Variants in FUT8 observed in about 807,000 individuals in gnomAD.
FUT8 encodes the protein alpha-(1,6)-fucosyltransferase.
FUT8 carries 29 observed loss-of-function variants against 71.3 expected under a neutral mutation model. That is an observed-to-expected ratio of 0.41 (90% confidence interval 0.30 to 0.55). The LOEUF (loss-of-function observed/expected upper bound fraction) is 0.55. Ranked by LOEUF, FUT8 falls within the 20% of genes least tolerant of loss-of-function variation. The pLI is 0.34. For missense variants in FUT8, 544 were observed against 702.1 expected, an observed-to-expected ratio of 0.77 and a Z score of 2.55; for synonymous variants, 254 against 239.3, an observed-to-expected ratio of 1.06 and a Z score of -0.57.
rs118047332 is a variant in FUT8 at position 65,627,423 on chromosome 14, A to C, written c.483-2069A>C. Among the ~76,000 whole-genome samples, 944 of 152,324 alleles carry C rather than the reference A, an allele frequency of 6.2e-3. 11 individuals carry two copies. Among genetic ancestry groups the C allele is most frequent in the East Asian group, 0.035 (184 of 5,190 alleles). ...TAAAATGTTTTAGAGCAGGAATGAA[A>C]GGAAGTAAAGTACACTTGTAAGAGG... is the stretch of plus-strand genomic sequence containing the variant. On this transcript the variant is annotated intron_variant, in intron 5 of 10. Transcript: ENST00000673929. This position sits in a 1 kb window ranked among gnomAD's most constrained non-coding sequence, Gnocchi z 4.0.
rs1595339617 is a variant in FUT8 at position 65,413,563 on chromosome 14, T to C, written c.-326+349T>C. Reference sequence around the variant, plus strand: ...AAGGGTTGGGGGCGGGGGTGGGAGGTGTCCGTCGTTTCCCCTCCACACCTA... The same window carrying C: ...AAGGGTTGGGGGCGGGGGTGGGAGGCGTCCGTCGTTTCCCCTCCACACCTA... On this transcript the variant is annotated intron_variant, in intron 1 of 10. Transcript: ENST00000673929. This position sits in a 1 kb window ranked among gnomAD's most constrained non-coding sequence, Gnocchi z 4.1. Among the ~76,000 whole-genome samples the C allele has an allele frequency of 6.6e-6, 1 of 151,208 alleles. No individual in the cohort carries two copies. The highest frequency in any genetic ancestry group is 2.1e-4 in the South Asian group (1 of 4,754).
At chr14:65,521,604 C>T (rs1009870182) in intron 2 of FUT8, among the ~76,000 whole-genome samples, 3 of 152,176 alleles carry the variant, frequency 2.0e-5, no homozygotes, top group Non-Finnish European at 2.9e-5. Flanking sequence ...GTGTTTCAGA[C>T]AAGATCAAAA....
chr14:65,558,106 G>A (rs903737991), intron 2 of FUT8, among the ~76,000 whole-genome samples: 2 of 151,938 alleles, frequency 1.3e-5, no homozygotes, highest in Non-Finnish European at 2.9e-5. Flanking sequence ...TGAGGCAGGT[G>A]GATCACTTGA....
chr14:65,383,422 G>A, the FUT8 span, among the ~76,000 whole-genome samples: 1 of 152,098 alleles, frequency 6.6e-6, no homozygotes, highest in Non-Finnish European at 1.5e-5. Context: ...CTACAGGCAT[G>A]TGCCACCACA....
At chr14:65,406,280 G>A (rs2065088769), upstream of FUT8, among the ~76,000 whole-genome samples, 1 of 152,164 alleles carries the variant, frequency 6.6e-6, no homozygotes, top group East Asian at 1.9e-4. Flanking sequence ...ATGAGCTAGG[G>A]GACATCATCC....
intron 2 of FUT8, among the ~76,000 whole-genome samples, chr14:65,522,523 T>C (rs558229174): frequency 6.6e-6 from 1 of 152,242 alleles, no homozygotes; most frequent in South Asian, 2.1e-4. Context: ...TTCAAGAGTA[T>C]TTGAGCATCA....
chr14:65,404,402 G>C, the FUT8 span, among the ~76,000 whole-genome samples: 27 of 150,672 alleles, frequency 1.8e-4, no homozygotes, highest in Non-Finnish European at 2.8e-4. Context: ...TCGAACTCCT[G>C]ACCTTGTGAT....
chr14:65,659,257 CAG>C (rs1445550077), intron 6 of FUT8, among the ~76,000 whole-genome samples: 1 of 151,088 alleles, frequency 6.6e-6, no homozygotes, highest in Non-Finnish European at 1.5e-5. Flanking sequence ...GCTCAGCTAA[CAG>C]TGTATTTTTC....
chr14:65,582,507 C>T (rs1887146917), intron 3 of FUT8, among the ~76,000 whole-genome samples: 1 of 152,166 alleles, frequency 6.6e-6, no homozygotes, highest in African/African-American at 2.4e-5. Context: ...GCCCCATCCC[C>T]AGCTGTCCTA....
At chr14:65,390,786 C>T in the FUT8 span, among the ~76,000 whole-genome samples, 1 of 149,818 alleles carries the variant, frequency 6.7e-6, no homozygotes, top group African/African-American at 2.5e-5. Context: ...TGCAGTGGCG[C>T]CATCTCGGCT....
intron 2 of FUT8, among the ~76,000 whole-genome samples, chr14:65,524,624 G>GGGAGTGT (rs1883319391): frequency 6.6e-6 from 1 of 152,162 alleles, no homozygotes; most frequent in South Asian, 2.1e-4. Flanking sequence ...AATAGGAGTG[G>GGGAGTGT]TGAGCGAGGG....
intron 7 of FUT8, among the ~76,000 whole-genome samples, chr14:65,702,792 G>T (rs980267016): frequency 2.0e-5 from 3 of 151,834 alleles, no homozygotes; most frequent in Non-Finnish European, 4.4e-5. Flanking sequence ...AGGCTGGAGT[G>T]CAGTGGCACC....
intron 1 of FUT8, among the ~76,000 whole-genome samples, chr14:65,438,268 GT>G (rs35453409): frequency 3.2e-4 from 48 of 150,040 alleles, no homozygotes; most frequent in African/African-American, 1.1e-3. Context: ...AAATTAGGCA[GT>G]TTTTTTTTTC....
At chr14:65,629,927 A>G (rs1160005362) in intron 6 of FUT8, among the ~76,000 whole-genome samples, 1 of 152,074 alleles carries the variant, frequency 6.6e-6, no homozygotes, top group Non-Finnish European at 1.5e-5. Context: ...TGGAGTTTTG[A>G]GTAAGGAGAC....
At chr14:65,609,403 A>G (rs1448639159) in intron 3 of FUT8, among the ~76,000 whole-genome samples, 1 of 151,626 alleles carries the variant, frequency 6.6e-6, no homozygotes, top group African/African-American at 2.4e-5. Flanking sequence ...CAGTTTATCA[A>G]TTTTTTCTTT....
At chr14:65,522,227 C>T (rs939458342) in intron 2 of FUT8, among the ~76,000 whole-genome samples, 2 of 152,146 alleles carry the variant, frequency 1.3e-5, no homozygotes, top group Non-Finnish European at 2.9e-5. Context: ...TCTCCCTCTC[C>T]CGACTTTTCC....
intron 2 of FUT8, among the ~76,000 whole-genome samples, chr14:65,482,988 T>A (rs1349326322): frequency 6.6e-6 from 1 of 152,206 alleles, no homozygotes; most frequent in Non-Finnish European, 1.5e-5. Flanking sequence ...GCTTCTGCAG[T>A]GCTCAGAGGG....
intron 6 of FUT8, among the ~76,000 whole-genome samples, chr14:65,644,969 A>C (rs1891054211): frequency 6.6e-6 from 1 of 152,192 alleles, no homozygotes; most frequent in Non-Finnish European, 1.5e-5. Context: ...CAACAGTGAA[A>C]TCACTGGAAA....
chr14:65,485,902 T>C (rs968927798), intron 2 of FUT8, among the ~76,000 whole-genome samples: 3 of 152,250 alleles, frequency 2.0e-5, no homozygotes, highest in Admixed American at 6.5e-5. Flanking sequence ...GCTTGTTTCC[T>C]GTCTCTCTAG....
Sources: allele counts gnomAD v4.1 joint callset (sites outside exome capture counted in the v4.1 genomes callset), GRCh38; gene constraint gnomAD v4.1.1; non-coding constraint Gnocchi (gnomAD v3.1); transcripts MANE v1.5; gene names NCBI Gene and HGNC (gene_info 2026-07-23, HGNC 2026-07-21).